The following TBC1D32 variants were observed in gnomAD, a reference collection of about 807,000 sequenced individuals.
TBC1D32 encodes protein broad-minded.
In TBC1D32, 151 loss-of-function variants were observed where a neutral mutation model predicts 170.3. The ratio of observed to expected loss-of-function variants is 0.89; its 90% confidence interval spans 0.78 to 1.01. The LOEUF is 1.01. Ranked by LOEUF, TBC1D32 falls within the 50% of genes least tolerant of loss-of-function variation. TBC1D32 has a pLI of 0.00. For missense variants in TBC1D32, 1,464 were observed against 1,457.1 expected (o/e 1.00, Z -0.08); for synonymous variants, 498 against 488.0 (o/e 1.02, Z -0.27).
At chr6:121,110,011 G>C (rs1020706634) in intron 29 of TBC1D32, among the ~76,000 whole-genome samples, 1 of 151,778 alleles carries the variant, frequency 6.6e-6, no homozygotes, top group African/African-American at 2.4e-5. Context: ...CAGCACTTTG[G>C]GAGGCCGAGG....
At chr6:121,311,707 C>A (rs953563876) in intron 3 of TBC1D32, among the ~76,000 whole-genome samples, 2 of 143,958 alleles carry the variant, frequency 1.4e-5, no homozygotes, top group Admixed American at 1.4e-4. Flanking sequence ...AGCCTGGCAA[C>A]TGAGTGAGAC....
At chr6:121,318,290 TA>T (rs1452248685) in intron 2 of TBC1D32, among the ~76,000 whole-genome samples, 4 of 152,072 alleles carry the variant, frequency 2.6e-5, no homozygotes, top group Non-Finnish European at 5.9e-5. Context: ...GGATAATATT[TA>T]AAATCTCTTT....
intron 21 of TBC1D32, among the ~76,000 whole-genome samples, chr6:121,214,496 G>A (rs768383218): frequency 3.9e-5 from 6 of 152,160 alleles, no homozygotes; most frequent in Non-Finnish European, 8.8e-5. Context: ...CAGCAGGGTG[G>A]GCAGCTGCAG....
At chr6:121,121,478 T>C (rs1413750118) in intron 26 of TBC1D32, among the ~76,000 whole-genome samples, 1 of 152,104 alleles carries the variant, frequency 6.6e-6, no homozygotes, top group East Asian at 1.9e-4. Flanking sequence ...ATATGCTAAC[T>C]CTACTTTCTT....
chr6:121,332,051 T>C (rs1476350737), intron 1 of TBC1D32, among the ~76,000 whole-genome samples: 1 of 152,292 alleles, frequency 6.6e-6, no homozygotes, highest in East Asian at 1.9e-4. Flanking sequence ...GTGCATGTCA[T>C]GCAACAAGCA....
intron 22 of TBC1D32, among the ~76,000 whole-genome samples, chr6:121,162,349 T>A (rs1785823518): frequency 6.6e-6 from 1 of 152,164 alleles, no homozygotes; most frequent in Non-Finnish European, 1.5e-5. Flanking sequence ...CATTGAAGTA[T>A]TTAATCCACC....
intron 24 of TBC1D32, among the ~76,000 whole-genome samples, chr6:121,133,841 A>G (rs1781717882): frequency 6.6e-6 from 1 of 152,084 alleles, no homozygotes; most frequent in Admixed American, 6.6e-5. Flanking sequence ...ACGTTTCACA[A>G]ATAGCCTCTG....
At chr6:121,110,719 A>C (rs2128195625) in intron 29 of TBC1D32, among the ~76,000 whole-genome samples, 1 of 151,734 alleles carries the variant, frequency 6.6e-6, no homozygotes, top group Admixed American at 6.5e-5. Context: ...AGACTTACTG[A>C]ATGTACTATC....
intron 15 of TBC1D32, among the ~76,000 whole-genome samples, chr6:121,269,905 A>T (rs910089301): frequency 2.6e-5 from 4 of 152,200 alleles, no homozygotes; most frequent in African/African-American, 7.2e-5. Flanking sequence ...AAATTATAAC[A>T]AACTGTCTCT....
chr6:121,137,411 T>C (rs975920402), intron 24 of TBC1D32, among the ~76,000 whole-genome samples: 2 of 150,878 alleles, frequency 1.3e-5, no homozygotes, highest in African/African-American at 4.9e-5. Context: ...GAGAAAGAAA[T>C]AGTCTTCTTC....
At chr6:121,203,347 T>C (rs1017785939) in intron 22 of TBC1D32, among the ~76,000 whole-genome samples, 3 of 151,434 alleles carry the variant, frequency 2.0e-5, no homozygotes, top group Non-Finnish European at 4.4e-5. Context: ...CCAATAAGGT[T>C]AAAATACAAA....
At chr6:121,321,153 T>C (rs1048093711) in intron 2 of TBC1D32, among the ~76,000 whole-genome samples, 3 of 152,218 alleles carry the variant, frequency 2.0e-5, no homozygotes, top group African/African-American at 7.2e-5. Flanking sequence ...TTTGGTGATG[T>C]TTCTTTGACC....
chr6:121,131,646 A>G lies in TBC1D32; in HGVS notation c.2880T>C (p.Pro960=), dbSNP rs377124985. Residue 960 remains proline (P), a synonymous_variant, in exon 25 of 32, where the codon CCT becomes CCC. Coordinates refer to ENST00000398212, the MANE Select transcript of TBC1D32 (RefSeq NM_152730.6). ...RQFCKMMKAK[P]DIISGEALIE... is the part of the protein sequence containing the mutation. ...ACTTACCCTCTCCACTGATTATATC[A>G]GGTTTGGCTTTCATCATTTTGCAAA... 17 of 1,611,512 alleles carry G rather than the reference A, an allele frequency of 1.1e-5. No homozygotes were observed. Among genetic ancestry groups the G allele is most frequent in the African/African-American group, 4.0e-5 (3 of 74,864 alleles).
rs535630748 is a variant in TBC1D32, at chr6:121,275,875, A to T, written c.1733+3246T>A. ...TGAGGTGGCTGACACCTGTAATCCC[A>T]GCACTTGGGGAAGCCAAGGCAGGCA... On this transcript the variant is annotated intron_variant, in intron 15 of 31. Transcript: ENST00000398212. Among the ~76,000 whole-genome samples the T allele has an allele frequency of 2.8e-4, 43 of 152,312 alleles. No homozygotes were observed. In the South Asian group the frequency reaches 8.7e-3, roughly 31 times the overall value.
chr6:121,139,144 C>A (rs1166590321), intron 24 of TBC1D32, among the ~76,000 whole-genome samples: 1 of 152,106 alleles, frequency 6.6e-6, no homozygotes, highest in African/African-American at 2.4e-5. Flanking sequence ...CCGTGCCCAG[C>A]CATACCATAT....
intron 22 of TBC1D32, 32 bp from the exon 23 acceptor site, chr6:121,161,088 CT>C: frequency 6.7e-7 from 1 of 1,495,302 alleles, no homozygotes; most frequent in Non-Finnish European, 9.2e-7. Context: ...CTTTGTCATC[CT>C]TTTGATTGAA....
rs770569513 is a variant in TBC1D32 at position 121,256,296 on chromosome 6, A to G, written c.1734-11T>C. The G allele has an allele frequency of 1.9e-6, 3 of 1,600,102 alleles. No homozygotes were observed. The highest frequency in any genetic ancestry group is 3.4e-5 in the Admixed American group (2 of 58,104). Reference sequence around the variant, plus strand: ...TGAGCACCTGTAGGACTAAAAGATGATACCTGAAAGTGATTCCAAGGTTAT... The same window carrying G: ...TGAGCACCTGTAGGACTAAAAGATGGTACCTGAAAGTGATTCCAAGGTTAT... On this transcript the variant is annotated splice_polypyrimidine_tract_variant and intron_variant, in intron 15 of 31. Coordinates refer to ENST00000398212, the MANE Select transcript of TBC1D32 (RefSeq NM_152730.6).
intron 25 of TBC1D32, among the ~76,000 whole-genome samples, chr6:121,128,825 T>C (rs1001305247): frequency 1.3e-5 from 2 of 152,208 alleles, no homozygotes; most frequent in Non-Finnish European, 2.9e-5. Flanking sequence ...TGAAGGTCGG[T>C]ATCCCTGAAA....
At chr6:121,105,657 G>T (rs1455352575) in intron 30 of TBC1D32, among the ~76,000 whole-genome samples, 2 of 151,888 alleles carry the variant, frequency 1.3e-5, no homozygotes, top group African/African-American at 4.8e-5. Flanking sequence ...GTTAATCCGC[G>T]GGGATTTTTT....
Sources: allele counts gnomAD v4.1 joint callset (sites outside exome capture counted in the v4.1 genomes callset), GRCh38; gene constraint gnomAD v4.1.1; transcripts MANE v1.5; gene names NCBI Gene and HGNC (gene_info 2026-07-23, HGNC 2026-07-21).